TTBK2: variants seen among roughly 807,000 people sequenced by gnomAD.
TTBK2 encodes the protein tau-tubulin kinase 2.
A neutral mutation model predicts 110.8 loss-of-function variants in TTBK2; 28 were observed. The ratio of observed to expected loss-of-function variants is 0.25; its 90% CI spans 0.19 to 0.35. TTBK2 has a LOEUF of 0.35. TTBK2 is among the 10% of genes least tolerant of loss of function. The pLI is 1.00. For synonymous variants in TTBK2, 532 were observed against 527.3 expected (o/e 1.01, Z -0.12); for missense variants, 1,369 against 1,500.3 (o/e 0.91, Z 1.45).
chr15:42,815,958 A>AAAAAAT (rs71108183), intron 7 of TTBK2, among the ~76,000 whole-genome samples: 51 of 91,684 alleles, frequency 5.6e-4, no homozygotes, highest in Non-Finnish European at 7.6e-4. Context: ...TTAAAAAAAA[A>AAAAAAT]ATATATATAT....
Position 42,827,219 on chromosome 15 carries a change from T to C in TTBK2, c.537+709A>G, listed in dbSNP as rs567716469. On this transcript the variant is annotated intron_variant, in intron 6 of 14. Transcript: ENST00000267890. ...CAGCAGAGTCTTAATACTGTGTGTA[T>C]GGTTGGCAGGGAGGGAGGAAGAACG... 2.0e-5 allele frequency among the ~76,000 whole-genome samples: 3 copies of C among 152,226 alleles called. No homozygotes were observed. In the South Asian group the frequency reaches 6.2e-4, roughly 32 times the overall value.
chr15:42,899,188 G>C (rs1343382393), intron 1 of TTBK2, among the ~76,000 whole-genome samples: 1 of 151,764 alleles, frequency 6.6e-6, no homozygotes, highest in African/African-American at 2.4e-5. Flanking sequence ...TTGTAGAGAT[G>C]GGTTTTACTA....
chr15:42,752,329 C>T lies in TTBK2; in HGVS notation c.2917G>A (p.Ala973Thr), dbSNP rs879080176. ...SAKEKLLQKK[A>T]YQPDLVKLLV... ...AGCTTGACTAGGTCTGGCTGATAGG[C>T]TTTCTTTTGGAGGAGCTTTTCTTTT... Residue 973 changes from alanine to threonine, a missense_variant, in exon 14 of 15, where the codon GCC becomes ACC. By Grantham distance (58) the Ala-to-Thr change is moderately conservative. Around this residue, in one of 4 missense-constraint regions of TTBK2, gnomAD observed 1,097 missense variants for 1,114.7 expected, o/e 0.98. Transcript: ENST00000267890. The T allele has an allele frequency of 6.2e-7, 1 of 1,614,184 alleles. No individual in the cohort carries two copies. The highest frequency in any genetic ancestry group is 8.5e-7 in the Non-Finnish European group (1 of 1,180,038).
At chr15:42,849,113 A>G (rs1370155055) in intron 3 of TTBK2, among the ~76,000 whole-genome samples, 1 of 151,758 alleles carries the variant, frequency 6.6e-6, no homozygotes, top group Non-Finnish European at 1.5e-5. Flanking sequence ...ACACAAATGT[A>G]AGATGTTTTG....
chr15:42,775,181 G>A lies in TTBK2; in HGVS notation c.1952C>T (p.Thr651Met), dbSNP rs1050145790. ...PGAASQFIAA[T>M]PTSLMEAQAE... ...CTGCGCCTCCATTAGACTTGTGGGC[G>A]TCGCTGCAATAAACTGACTAGCAGC... The change falls in exon 13 of 15, where the codon ACG becomes ATG. Residue 651 changes from threonine (T) to methionine (M), a missense_variant. Coordinates refer to ENST00000267890, the MANE Select transcript of TTBK2 (RefSeq NM_173500.4). 8.7e-6 allele frequency: 14 copies of A among 1,614,044 alleles called. No individual in the cohort carries two copies. The highest frequency in any genetic ancestry group is 2.2e-5 in the South Asian group (2 of 91,088).
chr15:42,912,674 G>A (rs2030842782), intron 1 of TTBK2, among the ~76,000 whole-genome samples: 1 of 151,686 alleles, frequency 6.6e-6, no homozygotes, highest in South Asian at 2.1e-4. Flanking sequence ...TTGCAAGATC[G>A]CGCCATTGCA....
intron 1 of TTBK2, among the ~76,000 whole-genome samples, chr15:42,885,004 G>A (rs928246516): frequency 3.3e-5 from 5 of 150,814 alleles, no homozygotes; most frequent in African/African-American, 4.9e-5. Flanking sequence ...TCTATCCCCC[G>A]CCCACAAAAC....
intron 3 of TTBK2, among the ~76,000 whole-genome samples, chr15:42,848,361 G>A (rs576457245): frequency 1.1e-3 from 166 of 151,960 alleles, no homozygotes; most frequent in Non-Finnish European, 1.7e-3. Context: ...GATCAATTGG[G>A]GAGAATCAAC....
At chr15:42,781,981 A>G (rs1171857715) in intron 11 of TTBK2, among the ~76,000 whole-genome samples, 1 of 152,196 alleles carries the variant, frequency 6.6e-6, no homozygotes, top group Non-Finnish European at 1.5e-5. Context: ...GTAGATTTTA[A>G]AAGATAAATA....
At chr15:42,881,207 C>T (rs1895027409) in intron 1 of TTBK2, among the ~76,000 whole-genome samples, 1 of 145,232 alleles carries the variant, frequency 6.9e-6, no homozygotes, top group African/African-American at 2.5e-5. Flanking sequence ...GGCGTGAACC[C>T]GGGAGGCGGA....
Position 42,837,905 on chromosome 15 carries a change from T to C in TTBK2, c.291+2455A>G, listed in dbSNP as rs113560958. 5.3e-5 allele frequency among the ~76,000 whole-genome samples: 8 copies of C among 151,986 alleles called. 2 individuals carry two copies. Among genetic ancestry groups the C allele is most frequent in the East Asian group, 1.9e-4 (1 of 5,130 alleles). On this transcript the variant is annotated intron_variant, in intron 4 of 14. Coordinates refer to ENST00000267890, the MANE Select transcript of TTBK2 (RefSeq NM_173500.4). ...CTAGAATCACTGTTATTTAGATAAC[T>C]TGAAAGAAAATAAAGAAACCTGCTG...
intron 2 of TTBK2, among the ~76,000 whole-genome samples, chr15:42,873,907 C>A (rs566432725): frequency 1.3e-5 from 2 of 152,188 alleles, no homozygotes; most frequent in South Asian, 4.1e-4. Context: ...CTCAAGACAC[C>A]CCAGCTCCAT....
intron 8 of TTBK2, among the ~76,000 whole-genome samples, chr15:42,811,150 C>T (rs1167943457): frequency 6.6e-6 from 1 of 152,044 alleles, no homozygotes; most frequent in Non-Finnish European, 1.5e-5. Flanking sequence ...GCCACCATGC[C>T]CAGCTAATTT....
At chr15:42,822,175 C>T (rs1892332866) in intron 6 of TTBK2, among the ~76,000 whole-genome samples, 1 of 152,052 alleles carries the variant, frequency 6.6e-6, no homozygotes, top group Non-Finnish European at 1.5e-5. Flanking sequence ...GATATAAAAC[C>T]TTTATCAGAT....
intron 13 of TTBK2, among the ~76,000 whole-genome samples, chr15:42,772,830 C>A (rs1889736728): frequency 6.6e-6 from 1 of 152,104 alleles, no homozygotes; most frequent in Non-Finnish European, 1.5e-5. Context: ...CCTGTAATCC[C>A]AGCACTTTGG....
chr15:42,746,258 C>CTTA lies in TTBK2; in HGVS notation c.3273-4_3273-2dup. The CTTA allele has an allele frequency of 6.2e-7, 1 of 1,605,942 alleles. No homozygotes were observed. The highest frequency in any genetic ancestry group is 8.5e-7 in the Non-Finnish European group (1 of 1,173,610). On this transcript the variant is annotated splice_acceptor_variant, in intron 14 of 14. Coordinates refer to ENST00000267890, the MANE Select transcript of TTBK2 (RefSeq NM_173500.4). LOFTEE classifies it high-confidence loss of function. ...CCCTAGGACTTTATATCTGCGTAGC[C>CTTA]TTAAAAGAACAGAGAAAATATATTT...
chr15:42,917,916 A>ATT (rs2031168454), intron 1 of TTBK2, among the ~76,000 whole-genome samples: 1 of 152,090 alleles, frequency 6.6e-6, no homozygotes, highest in South Asian at 2.1e-4. Flanking sequence ...TTGTAAAAGA[A>ATT]TATTTCCTAT....
rs71108183 is a variant in TTBK2, at chr15:42,815,958, A to AAAAAAATATATATAT, written c.603+1073_603+1074insATATATATATTTTTT. On this transcript the variant is annotated intron_variant, in intron 7 of 14. Coordinates refer to ENST00000267890, the MANE Select transcript of TTBK2 (RefSeq NM_173500.4). The stretch of plus-strand genomic sequence containing the variant: ...TATATATATATATATTTAAAAAAAA[A>AAAAAAATATATATAT]ATATATATATATATATATATTTGAG... 3.8e-4 allele frequency among the ~76,000 whole-genome samples: 35 copies of AAAAAAATATATATAT among 91,692 alleles called. 1 individual carries two copies. The highest frequency in any genetic ancestry group is 8.1e-4 in the African/African-American group (13 of 16,142). The allele number at this position is 91,692 out of a possible 152,430, so 60.2% of individuals were successfully genotyped here.
intron 1 of TTBK2, among the ~76,000 whole-genome samples, chr15:42,883,140 G>A (rs1382788466): frequency 6.6e-6 from 1 of 152,116 alleles, no homozygotes; most frequent in African/African-American, 2.4e-5. Context: ...CCAACACTTT[G>A]GGAGGCTGAG....
Sources: gnomAD v4.1 joint callset for allele counts (sites outside exome capture counted in the v4.1 genomes callset) on GRCh38, gnomAD v4.1.1 for gene constraint, gnomAD v4.1.1 regional missense constraint, MANE v1.5 for transcripts, NCBI Gene and HGNC (gene_info 2026-07-23, HGNC 2026-07-21) for gene names.